PLOD2: variants seen among roughly 807,000 people sequenced by gnomAD.
PLOD2 encodes lysine hydroxylase 2.
In PLOD2, 65 loss-of-function variants were observed where a neutral mutation model predicts 101.0. That is an observed-to-expected ratio of 0.64 (90% CI 0.53 to 0.79). The LOEUF (loss-of-function observed/expected upper bound fraction) is 0.79, where lower values mean the gene tolerates loss of function less well. PLOD2 is among the 30% of genes least tolerant of loss of function. The probability of loss-of-function intolerance (pLI) is 0.00; values close to 1 mark genes in which losing one functional copy is unlikely to be tolerated. For missense variants in PLOD2, 909 were observed against 914.6 expected (o/e 0.99, Z 0.08); for synonymous variants, 314 against 302.9 (o/e 1.04, Z -0.38).
chr3:146,147,989 A>C (rs1054159503), intron 1 of PLOD2, among the ~76,000 whole-genome samples: 1 of 152,144 alleles, frequency 6.6e-6, no homozygotes, highest in Non-Finnish European at 1.5e-5. Flanking sequence ...CTGATTTTTA[A>C]GTAAAATTTC....
chr3:146,113,158 G>A (rs1286275147), intron 3 of PLOD2, among the ~76,000 whole-genome samples: 4 of 152,080 alleles, frequency 2.6e-5, no homozygotes, highest in Non-Finnish European at 5.9e-5. Context: ...CGTTTTATAA[G>A]CCTGTATTAT....
At chr3:146,078,938 T>A (rs1936433053) in intron 13 of PLOD2, among the ~76,000 whole-genome samples, 178 bp downstream of exon 13, 1 of 151,920 alleles carries the variant, frequency 6.6e-6, no homozygotes, top group South Asian at 2.1e-4. Flanking sequence ...ACCATTTCTA[T>A]AAGTAAATGT....
chr3:146,073,848 T>A (rs1936237344), intron 15 of PLOD2, among the ~76,000 whole-genome samples: 1 of 151,610 alleles, frequency 6.6e-6, no homozygotes, highest in African/African-American at 2.4e-5. Flanking sequence ...CAAGTATTTG[T>A]AAAAATGAAT....
In PLOD2 at chr3:146,091,797, TA is replaced by T; in HGVS notation, c.879+2del. 6.7e-7 allele frequency: 1 copy of T among 1,497,652 alleles called. No homozygotes were observed. The highest frequency in any genetic ancestry group is 1.4e-5 in the African/African-American group (1 of 72,740). 92.8% of individuals were successfully genotyped at this position (1,497,652 alleles called of 1,614,324 possible). On this transcript the variant is annotated splice_donor_variant, in intron 8 of 19. Coordinates refer to ENST00000282903, the MANE Select transcript of PLOD2 (RefSeq NM_182943.3). LOFTEE classifies it high-confidence loss of function. ...CATTTCACACATAATCAATTCCACT[TA>T]CATCTACTGCAGACAAGTCGACTGT...
At chr3:146,122,277 C>G (rs1432959706) in intron 2 of PLOD2, among the ~76,000 whole-genome samples, 2 of 152,142 alleles carry the variant, frequency 1.3e-5, no homozygotes, top group Non-Finnish European at 2.9e-5. Context: ...TGGATTCAAA[C>G]TAGGCTAATC....
intron 7 of PLOD2, among the ~76,000 whole-genome samples, chr3:146,097,134 T>G (rs1204710524): frequency 7.2e-6 from 1 of 138,558 alleles, no homozygotes; most frequent in East Asian, 2.2e-4. Context: ...GGTGGGGGGG[T>G]CAGCCCCCCG....
At chr3:146,117,605 T>C (rs1368275453) in intron 3 of PLOD2, among the ~76,000 whole-genome samples, 1 of 152,144 alleles carries the variant, frequency 6.6e-6, no homozygotes, top group East Asian at 1.9e-4. Flanking sequence ...TAGGTAATGA[T>C]GCAGAAAATG....
chr3:146,113,461 C>T (rs534807501), intron 3 of PLOD2, among the ~76,000 whole-genome samples: 5 of 152,118 alleles, frequency 3.3e-5, no homozygotes, highest in Non-Finnish European at 7.3e-5. Flanking sequence ...ATGGAGGGAC[C>T]GGCTGAAGCC....
chr3:146,113,287 T>G (rs1224849985), intron 3 of PLOD2, among the ~76,000 whole-genome samples: 1 of 152,222 alleles, frequency 6.6e-6, no homozygotes, highest in Non-Finnish European at 1.5e-5. Context: ...CGAGTAGCAC[T>G]GCTATTTCTG....
chr3:146,102,977 C>T, intron 6 of PLOD2, 125 bp from the exon 7 acceptor site: 1 of 629,928 alleles, frequency 1.6e-6, no homozygotes, highest in Non-Finnish European at 2.9e-6. Flanking sequence ...TGTAATATTC[C>T]AAGTGCTACA....
At chr3:146,110,719 T>C (rs1937614983) in intron 3 of PLOD2, among the ~76,000 whole-genome samples, 1 of 152,158 alleles carries the variant, frequency 6.6e-6, no homozygotes, top group Non-Finnish European at 1.5e-5. Flanking sequence ...GAATCACTTA[T>C]TCCCAAATTG....
At chr3:146,095,408 C>A (rs1460807527) in intron 7 of PLOD2, among the ~76,000 whole-genome samples, 2 of 148,920 alleles carry the variant, frequency 1.3e-5, no homozygotes, top group Non-Finnish European at 3.0e-5. Context: ...AGGATATGAA[C>A]AGATACTTCT....
intron 1 of PLOD2, among the ~76,000 whole-genome samples, chr3:146,132,921 G>A (rs984955825): frequency 4.6e-5 from 7 of 152,208 alleles, no homozygotes; most frequent in African/African-American, 7.2e-5. Context: ...GCTCATGCCT[G>A]TAATCCCAGC....
chr3:146,078,032 A>G, intron 13 of PLOD2, 108 bp from the exon 14 acceptor site: 1 of 769,262 alleles, frequency 1.3e-6, no homozygotes, highest in Middle Eastern at 2.6e-4. Flanking sequence ...TAACATTCTG[A>G]AATGTCCTTC....
intron 1 of PLOD2, among the ~76,000 whole-genome samples, chr3:146,156,532 T>C (rs1157641416): frequency 6.6e-6 from 1 of 152,260 alleles, no homozygotes; most frequent in African/African-American, 2.4e-5. Flanking sequence ...CATTTAAAAA[T>C]GTAAACATCT....
intron 7 of PLOD2, among the ~76,000 whole-genome samples, chr3:146,095,906 C>T (rs374896705): frequency 3.0e-5 from 3 of 100,662 alleles, no homozygotes; most frequent in African/African-American, 1.1e-4. Flanking sequence ...CCCCTCCCCC[C>T]TCTCCCTCCA....
At chr3:146,143,363 C>T (rs920159918) in intron 1 of PLOD2, among the ~76,000 whole-genome samples, 5 of 151,726 alleles carry the variant, frequency 3.3e-5, no homozygotes, top group African/African-American at 9.7e-5. Flanking sequence ...CAAATTAAAA[C>T]TTCTAAGATG....
chr3:146,083,775 G>A lies in PLOD2; in HGVS notation c.1232+1394C>T, dbSNP rs180722648. On this transcript the variant is annotated intron_variant, in intron 11 of 19. Coordinates refer to ENST00000282903, the MANE Select transcript of PLOD2 (RefSeq NM_182943.3). ...TTTTTGTATTTTTAGTAGAGATGGC[G>A]TTTCACTGTGTTAGCCAGGATGATC... Among the ~76,000 whole-genome samples, 635 of 151,716 alleles carry A rather than the reference G, an allele frequency of 4.2e-3. 6 individuals carry two copies. The highest frequency in any genetic ancestry group is 0.015 in the African/African-American group (610 of 41,426).
intron 2 of PLOD2, among the ~76,000 whole-genome samples, chr3:146,123,750 CT>C (rs34588668): frequency 1.3e-5 from 2 of 151,264 alleles, no homozygotes; most frequent in South Asian, 2.1e-4. Context: ...TACATATTAA[CT>C]TTTTTTTGCT....
Sources: allele counts gnomAD v4.1 joint callset (sites outside exome capture counted in the v4.1 genomes callset), GRCh38; gene constraint gnomAD v4.1.1; transcripts MANE v1.5; gene names NCBI Gene and HGNC (gene_info 2026-07-23, HGNC 2026-07-21).